M1AP: variants seen among roughly 807,000 people sequenced by gnomAD.
M1AP encodes the protein meiosis 1 arrest protein.
Under a neutral mutation model 51.2 loss-of-function variants are expected in M1AP, and 39 were observed. The observed-to-expected ratio is 0.76, with a 90% CI of 0.59 to 1.00. The LOEUF is 1.00. M1AP is among the 50% of genes least tolerant of loss of function. M1AP has a pLI of 0.00. For synonymous variants in M1AP, 251 were observed against 249.2 expected (o/e 1.01, Z -0.07); for missense variants, 545 against 641.2 (o/e 0.85, Z 1.62).
chr2:74,598,540 T>C (rs756955249), intron 4 of M1AP, among the ~76,000 whole-genome samples: 5 of 152,006 alleles, frequency 3.3e-5, no homozygotes, highest in African/African-American at 7.2e-5. Context: ...CACATTGTTA[T>C]TTACAGCTGT....
rs1167628654 is a variant in M1AP, at chr2:74,609,877, C to G, written c.427-2654G>C. Among the ~76,000 whole-genome samples the G allele has an allele frequency of 2.5e-4, 38 of 152,122 alleles. 1 individual carries two copies. The highest frequency in any genetic ancestry group is 2.5e-3 in the Admixed American group (38 of 15,260). ...CTTCTTTTGAGAAATGTTTATTCAGCTTTCAGATTATTCATTTTTTCCCTG... is the reference window on the plus strand; with the variant it reads ...CTTCTTTTGAGAAATGTTTATTCAGGTTTCAGATTATTCATTTTTTCCCTG... On this transcript the variant is annotated intron_variant, in intron 3 of 10. Coordinates refer to ENST00000421985, the MANE Select transcript of M1AP (RefSeq NM_001321739.2).
intron 6 of M1AP, 74 bp from the exon 7 acceptor site, chr2:74,575,653 G>C: frequency 1.7e-6 from 2 of 1,203,016 alleles, no homozygotes; most frequent in African/African-American, 1.5e-5. Flanking sequence ...CTTCAATTCA[G>C]CTTAACTCTA....
At chr2:74,642,720 T>C (rs915132243) in intron 1 of M1AP, among the ~76,000 whole-genome samples, 2 of 152,256 alleles carry the variant, frequency 1.3e-5, no homozygotes, top group Admixed American at 1.3e-4. Context: ...TTTGTAATTT[T>C]TCCCAAAAGA....
At chr2:74,614,282 T>C (rs541028396) in intron 3 of M1AP, among the ~76,000 whole-genome samples, 2 of 152,324 alleles carry the variant, frequency 1.3e-5, no homozygotes, top group Admixed American at 6.5e-5. Flanking sequence ...AAAAATATTG[T>C]TGATTTTTTA....
chr2:74,634,320 T>C (rs1682857328), intron 2 of M1AP, among the ~76,000 whole-genome samples: 1 of 152,218 alleles, frequency 6.6e-6, no homozygotes, highest in Admixed American at 6.5e-5. Context: ...CAGTAGGAAG[T>C]ACCTGAGGAT....
At chr2:74,575,315 GT>G in intron 7 of M1AP, 122 bp downstream of exon 7, 1 of 1,498,964 alleles carries the variant, frequency 6.7e-7, no homozygotes, top group Non-Finnish European at 8.9e-7. Flanking sequence ...AGTATTTCCA[GT>G]TTTTTCTGTC....
At chr2:74,568,535 T>C (rs1678531006) in intron 7 of M1AP, among the ~76,000 whole-genome samples, 2 of 152,162 alleles carry the variant, frequency 1.3e-5, no homozygotes, top group Admixed American at 1.3e-4. Flanking sequence ...GACTTCCACC[T>C]GTGGAGGCAA....
intron 2 of M1AP, among the ~76,000 whole-genome samples, chr2:74,624,056 C>G (rs1682234685): frequency 1.3e-5 from 2 of 152,182 alleles, no homozygotes; most frequent in South Asian, 4.1e-4. Context: ...TAAGTCTTTT[C>G]TCTGTGTATC....
rs778175416 is a variant in M1AP, at chr2:74,558,847, G to T, written c.1462C>A (p.Arg488=). ...KTGQLQTNRA[R]ATVAPLPMTP... ...ATAGGCAGGGGGGCCACAGTAGCTC[G>T]AGCTCGGTTGGTCTGCAACTGCCCA... Residue 488 remains arginine, a synonymous_variant, in exon 11 of 11, where the codon CGA becomes AGA. Transcript: ENST00000421985. 2.4e-5 allele frequency: 38 copies of T among 1,600,866 alleles called. No individual in the cohort carries two copies. The highest frequency in any genetic ancestry group is 3.2e-5 in the Non-Finnish European group (38 of 1,175,032).
intron 8 of M1AP, 186 bp downstream of exon 8, chr2:74,562,031 G>A (rs1440087729): frequency 1.0e-6 from 1 of 985,334 alleles, no homozygotes; most frequent in Middle Eastern, 5.2e-4. Flanking sequence ...TTACCCTGCT[G>A]CCATAATCTA....
intron 8 of M1AP, among the ~76,000 whole-genome samples, chr2:74,561,127 AAGG>A (rs1573052781): frequency 6.3e-3 from 140 of 22,314 alleles, no homozygotes; most frequent in African/African-American, 0.012. Flanking sequence ...GGAGGAGGAG[AAGG>A]AGGAGGAGGA....
At chr2:74,636,947 T>C (rs1683020141) in intron 2 of M1AP, among the ~76,000 whole-genome samples, 1 of 152,178 alleles carries the variant, frequency 6.6e-6, no homozygotes, top group African/African-American at 2.4e-5. Context: ...ATGTTTCTTG[T>C]GCATGGCATT....
At chr2:74,640,672 G>A (rs1683246432) in intron 1 of M1AP, among the ~76,000 whole-genome samples, 1 of 151,926 alleles carries the variant, frequency 6.6e-6, no homozygotes, top group African/African-American at 2.4e-5. Flanking sequence ...TGGCCAGGAT[G>A]GTCTTGATCT....
At chr2:74,605,483 T>C (rs1024393972) in intron 4 of M1AP, among the ~76,000 whole-genome samples, 4 of 152,226 alleles carry the variant, frequency 2.6e-5, no homozygotes, top group African/African-American at 9.6e-5. Flanking sequence ...AAGAACACCA[T>C]GCATGAGATC....
intron 5 of M1AP, 91 bp from the exon 6 acceptor site, chr2:74,576,709 C>A (rs1331241187): frequency 2.8e-6 from 4 of 1,420,044 alleles, no homozygotes; most frequent in Non-Finnish European, 3.9e-6. Context: ...CATTAAGAGA[C>A]AACATCTGCT....
chr2:74,564,522 A>G (rs1043362103), intron 7 of M1AP, among the ~76,000 whole-genome samples: 3 of 152,202 alleles, frequency 2.0e-5, no homozygotes, highest in Non-Finnish European at 2.9e-5. Flanking sequence ...CTTTAAAGGA[A>G]TGCTTATCAG....
rs57709358 is a variant in M1AP at position 74,584,805 on chromosome 2, C to CATATATAT, written c.596-2966_596-2959dup. On this transcript the variant is annotated intron_variant, in intron 4 of 10. Coordinates refer to ENST00000421985, the MANE Select transcript of M1AP (RefSeq NM_001321739.2). Reference sequence around the variant, plus strand: ...GCTGTAGCCTTATTGATGTTATTGCCATATATATATATATATATATATATT... The same window carrying CATATATAT: ...GCTGTAGCCTTATTGATGTTATTGCCATATATATATATATATATATATATATATATATT... 3.0e-3 allele frequency among the ~76,000 whole-genome samples: 423 copies of CATATATAT among 139,272 alleles called. 3 individuals carry two copies. The highest frequency in any genetic ancestry group is 9.8e-3 in the African/African-American group (370 of 37,900). 91.4% of individuals were successfully genotyped at this position (139,272 alleles called of 152,430 possible).
chr2:74,601,210 G>T (rs931298165), intron 4 of M1AP, among the ~76,000 whole-genome samples: 1 of 151,954 alleles, frequency 6.6e-6, no homozygotes, highest in African/African-American at 2.4e-5. Context: ...AAACCCAAAA[G>T]GATAGTTAAA....
chr2:74,614,995 G>C lies in M1AP; in HGVS notation c.395C>G (p.Thr132Arg), dbSNP rs1395105838. 6.2e-7 allele frequency: 1 copy of C among 1,614,070 alleles called. No homozygotes were observed. The highest frequency in any genetic ancestry group is 8.5e-7 in the Non-Finnish European group (1 of 1,180,024). ...QFKQYSRHVTTRAALTYTSLE... is the reference protein window; with the variant it reads ...QFKQYSRHVTRRAALTYTSLE... Reference sequence around the variant, plus strand: ...GGAGGTATAGGTCAGAGCTGCCCTTGTGGTCACATGTCTGCTGTATTGTTT... The same window carrying C: ...GGAGGTATAGGTCAGAGCTGCCCTTCTGGTCACATGTCTGCTGTATTGTTT... The change falls in exon 3 of 11, where the codon ACA (threonine) becomes AGA (arginine). Residue 132 changes from threonine to arginine, a missense_variant. Transcript: ENST00000421985.
Sources: allele counts gnomAD v4.1 joint callset (sites outside exome capture counted in the v4.1 genomes callset), GRCh38; gene constraint gnomAD v4.1.1; transcripts MANE v1.5; gene names NCBI Gene and HGNC (gene_info 2026-07-23, HGNC 2026-07-21).